The following GRIN2B variants were observed in gnomAD, a reference collection of about 807,000 sequenced individuals.
GRIN2B encodes the protein glutamate receptor ionotropic, NMDA 2B.
Under a neutral mutation model 114.5 loss-of-function variants are expected in GRIN2B, and 5 were observed. The ratio of observed to expected loss-of-function variants is 0.04; its 90% confidence interval spans 0.02 to 0.09. The LOEUF (loss-of-function observed/expected upper bound fraction) is 0.09, where lower values mean the gene tolerates loss of function less well. Ranked by LOEUF, GRIN2B falls within the 10% of genes least tolerant of loss-of-function variation. GRIN2B has a pLI of 1.00. For synonymous variants in GRIN2B, 787 were observed against 745.1 expected (o/e 1.06, Z -0.92); for missense variants, 1,108 against 1,943.5 (o/e 0.57, Z 8.08).
chr12:13,976,118 C>G (rs1012795195), intron 2 of GRIN2B, among the ~76,000 whole-genome samples: 1 of 152,258 alleles, frequency 6.6e-6, no homozygotes, highest in Non-Finnish European at 1.5e-5. Context: ...CCCACCTTCT[C>G]TGAGCTATGC....
rs1949441752 is a variant in GRIN2B, at chr12:13,616,451, A to G, written c.1328+4T>C. The G allele has an allele frequency of 6.2e-7, 1 of 1,607,896 alleles. No homozygotes were observed. The highest frequency in any genetic ancestry group is 8.5e-7 in the Non-Finnish European group (1 of 1,175,000). On this transcript the variant is annotated splice_donor_region_variant and intron_variant, in intron 6 of 13. Coordinates refer to ENST00000609686, the MANE Select transcript of GRIN2B (RefSeq NM_000834.5). ...CACCCAAAGTCATTGAGAGGATGCC[A>G]TACTCAGTGACTATGCGTTTTTGGC...
At chr12:13,939,324 A>G (rs146976947) in intron 2 of GRIN2B, among the ~76,000 whole-genome samples, 2 of 152,144 alleles carry the variant, frequency 1.3e-5, no homozygotes, top group East Asian at 3.9e-4. Context: ...AGGGGGCTGA[A>G]TCTTTCATGA....
chr12:13,623,547 C>T (rs191435338), intron 5 of GRIN2B, among the ~76,000 whole-genome samples: 16 of 152,310 alleles, frequency 1.1e-4, no homozygotes, highest in East Asian at 3.9e-4. Context: ...TCACAGTGAG[C>T]GCAAGCACCT....
chr12:13,903,644 G>C (rs1294768973), intron 2 of GRIN2B, among the ~76,000 whole-genome samples: 1 of 152,022 alleles, frequency 6.6e-6, no homozygotes, highest in African/African-American at 2.4e-5. Context: ...TAAATGGTCA[G>C]TTTCCTAAAT....
intron 2 of GRIN2B, among the ~76,000 whole-genome samples, chr12:13,933,268 C>T (rs890843667): frequency 1.3e-5 from 2 of 152,138 alleles, no homozygotes; most frequent in African/African-American, 4.8e-5. Context: ...TGTCTCCCTG[C>T]CAGCACCCCG....
In GRIN2B at chr12:13,821,876, T is replaced by C. The variant is rs1165350413; in HGVS notation, c.411+43922A>G. Among the ~76,000 whole-genome samples the C allele has an allele frequency of 2.6e-5, 4 of 152,190 alleles. No individual in the cohort carries two copies. In the East Asian group the frequency reaches 7.7e-4, roughly 29 times the overall value. Reference sequence around the variant, plus strand: ...GCGAAGAAAATATATTCCTTGAAGTTTTTCAGACTTCTAAACATTACTTTC... The same window carrying C: ...GCGAAGAAAATATATTCCTTGAAGTCTTTCAGACTTCTAAACATTACTTTC... On this transcript the variant is annotated intron_variant, in intron 3 of 13. Coordinates refer to ENST00000609686, the MANE Select transcript of GRIN2B (RefSeq NM_000834.5).
At chr12:13,886,465 T>C (rs1866159738) in intron 2 of GRIN2B, among the ~76,000 whole-genome samples, 3 of 152,152 alleles carry the variant, frequency 2.0e-5, no homozygotes, top group Admixed American at 1.3e-4. Context: ...CAATGGACTT[T>C]TGAGGCCGAC....
At position 13,614,291 on chromosome 12, in the gene GRIN2B, T is replaced by C. The variant is rs75708727; in HGVS notation, c.1654+823A>G. On this transcript the variant is annotated intron_variant, in intron 8 of 13. Coordinates refer to ENST00000609686, the MANE Select transcript of GRIN2B (RefSeq NM_000834.5). ...CACTGTCTACTGTAATAGCCCCATT[T>C]AAAAAATGTTGATGTGCCTTAGAGA... 5.6e-3 allele frequency among the ~76,000 whole-genome samples: 852 copies of C among 152,264 alleles called. 13 individuals are homozygous for C. Among genetic ancestry groups the C allele is most frequent in the Middle Eastern group, 0.01 (3 of 294 alleles).
intron 3 of GRIN2B, among the ~76,000 whole-genome samples, chr12:13,787,460 C>T (rs1438176325): frequency 1.3e-5 from 2 of 152,240 alleles, no homozygotes; most frequent in East Asian, 3.9e-4. Flanking sequence ...GTGACTTAAC[C>T]CCCAGCGCCT....
chr12:13,621,960 G>T (rs1475130084), intron 5 of GRIN2B, among the ~76,000 whole-genome samples: 2 of 151,450 alleles, frequency 1.3e-5, no homozygotes, highest in African/African-American at 4.9e-5. Flanking sequence ...CCCCACGTTT[G>T]TCCCCCCACC....
intron 2 of GRIN2B, among the ~76,000 whole-genome samples, chr12:13,966,435 C>T (rs1011777749): frequency 2.0e-5 from 3 of 152,106 alleles, no homozygotes; most frequent in African/African-American, 4.8e-5. Context: ...TGACTTTGTC[C>T]TAGGCTCACT....
chr12:13,546,591 G>C lies in GRIN2B; in HGVS notation c.*16192C>G, dbSNP rs565767427. ...AACATTTCTCAGAACCAAGCTTTTT[G>C]TCTGCTTGTCACTGAATCTATTTCC... On this transcript the variant is annotated 3_prime_UTR_variant, in exon 14 of 14. Transcript: ENST00000609686. 1.3e-5 allele frequency: 2 copies of C among 151,642 alleles called. No individual in the cohort carries two copies. The highest frequency in any genetic ancestry group is 2.9e-5 in the Non-Finnish European group (2 of 67,926). The allele number at this position is 151,642 out of a possible 1,614,324, so 9.4% of individuals were successfully genotyped here. A position where few individuals can be genotyped will look rare whatever the true frequency, so the allele number is the denominator to read the frequency against.
At chr12:13,950,557 G>T (rs540283041) in intron 2 of GRIN2B, among the ~76,000 whole-genome samples, 2 of 152,288 alleles carry the variant, frequency 1.3e-5, no homozygotes, top group Non-Finnish European at 1.5e-5. Context: ...ATAAATTCTT[G>T]CTATTATTGT....
chr12:13,586,817 A>ACTAT (rs1948931273), intron 10 of GRIN2B, among the ~76,000 whole-genome samples: 1 of 152,198 alleles, frequency 6.6e-6, no homozygotes, highest in Non-Finnish European at 1.5e-5. Flanking sequence ...TGGTCATGAA[A>ACTAT]CTATCTTTCA....
rs373548904 is a variant in GRIN2B, at chr12:13,563,776, G to A, written c.3462C>T (p.Ile1154=). 1.7e-5 allele frequency: 28 copies of A among 1,613,988 alleles called. No individual in the cohort carries two copies. In the African/African-American group the frequency reaches 3.1e-4, roughly 18 times the overall value. ...PHWEHVDLTD[I]YKERSDDFKR... ...TAAAGTCATCACTCCGCTCCTTGTAGATGTCGGTCAGGTCTACGTGCTCCC... is the reference window on the plus strand; with the variant it reads ...TAAAGTCATCACTCCGCTCCTTGTAAATGTCGGTCAGGTCTACGTGCTCCC... Residue 1154 remains isoleucine, a synonymous_variant, in exon 14 of 14, where the codon ATC becomes ATT. Coordinates refer to ENST00000609686, the MANE Select transcript of GRIN2B (RefSeq NM_000834.5).
chr12:13,765,709 T>G (rs944795463), intron 3 of GRIN2B, among the ~76,000 whole-genome samples: 8 of 152,226 alleles, frequency 5.3e-5, no homozygotes, highest in African/African-American at 1.9e-4. Context: ...GAATATATTT[T>G]CATATTCCAT....
chr12:13,659,846 TTAG>T (rs1949903366), intron 5 of GRIN2B, among the ~76,000 whole-genome samples: 1 of 152,234 alleles, frequency 6.6e-6, no homozygotes, highest in South Asian at 2.1e-4. Flanking sequence ...TTATCATTTA[TTAG>T]TTATCTATTG....
intron 5 of GRIN2B, among the ~76,000 whole-genome samples, chr12:13,654,843 C>CA (rs1258661795): frequency 6.6e-6 from 1 of 152,030 alleles, no homozygotes; most frequent in African/African-American, 2.4e-5. Context: ...CTGCAAAGCC[C>CA]ATTCTAAGGT....
At chr12:13,585,312 G>A (rs1018946257) in intron 10 of GRIN2B, among the ~76,000 whole-genome samples, 1 of 152,168 alleles carries the variant, frequency 6.6e-6, no homozygotes, top group African/African-American at 2.4e-5. Context: ...CCAGTGACAG[G>A]CAAGGCAGGG....
Sources: allele counts gnomAD v4.1 joint callset (sites outside exome capture counted in the v4.1 genomes callset), GRCh38; gene constraint gnomAD v4.1.1; transcripts MANE v1.5; gene names NCBI Gene and HGNC (gene_info 2026-07-23, HGNC 2026-07-21).